The following PGM1 variants were observed in gnomAD, a reference collection of about 807,000 sequenced individuals.
PGM1 encodes phosphoglucomutase-1.
In PGM1, 52 loss-of-function variants were observed where a neutral mutation model predicts 55.6. That is an observed-to-expected ratio of 0.94 (90% CI 0.75 to 1.18). The LOEUF is 1.18. Among genes scored for constraint, PGM1 ranks in the 50% most tolerant of loss-of-function variants. The pLI, the probability that PGM1 is intolerant of heterozygous loss-of-function variation, is 0.00. For missense variants in PGM1, 724 were observed against 729.3 expected, an observed-to-expected ratio of 0.99 and a Z score of 0.08; for synonymous variants, 287 against 271.7, an observed-to-expected ratio of 1.06 and a Z score of -0.55.
intron 1 of PGM1, among the ~76,000 whole-genome samples, chr1:63,610,986 G>A (rs904132827): frequency 2.0e-5 from 3 of 152,152 alleles, no homozygotes; most frequent in East Asian, 1.9e-4. Flanking sequence ...TAGTTGATTA[G>A]GTCCACTTGC....
At chr1:63,655,049 A>G (rs543522648) in intron 10 of PGM1, among the ~76,000 whole-genome samples, 1 of 151,488 alleles carries the variant, frequency 6.6e-6, no homozygotes, top group South Asian at 2.1e-4. Flanking sequence ...GCTCACTGCA[A>G]CATCCACCTT....
intron 1 of PGM1, among the ~76,000 whole-genome samples, chr1:63,598,599 G>A (rs1648147936): frequency 6.6e-6 from 1 of 152,178 alleles, no homozygotes; most frequent in Admixed American, 6.5e-5. Flanking sequence ...TAATACTGTG[G>A]TTTGCTTCCT....
chr1:63,658,345 GTT>G (rs34300625), intron 10 of PGM1, among the ~76,000 whole-genome samples: 2,324 of 136,588 alleles, frequency 0.017, 67 homozygotes, highest in African/African-American at 0.059. Context: ...CAGATTAGTA[GTT>G]TTTTTTTTTT....
intron 3 of PGM1, among the ~76,000 whole-genome samples, chr1:63,630,625 A>G (rs1374606649): frequency 6.6e-6 from 1 of 152,220 alleles, no homozygotes; most frequent in Non-Finnish European, 1.5e-5. Context: ...TCATTCAGTA[A>G]AATCAATCAG....
rs562004113 is a variant in PGM1 at position 63,638,863 on chromosome 1, G to A, written c.1144+63G>A. On this transcript the variant is annotated intron_variant, in intron 7 of 10. Transcript: ENST00000371084. The stretch of plus-strand genomic sequence containing the variant: ...AACCACTATTTCCAGTAAAAGCTTA[G>A]ACTGCTAAGGTAGCACTGAAATACC... 2.2e-4 allele frequency: 247 copies of A among 1,145,358 alleles called. 3 individuals carry two copies. The South Asian group carries it at 2.6e-3, about 12-fold the overall frequency. The allele number at this position is 1,145,358 out of a possible 1,614,324, so 70.9% of individuals were successfully genotyped here.
intron 1 of PGM1, among the ~76,000 whole-genome samples, chr1:63,624,791 A>G (rs562102620): frequency 7.8e-4 from 119 of 152,340 alleles, no homozygotes; most frequent in African/African-American, 2.5e-3. Flanking sequence ...GTATGTTTGC[A>G]GAAGCAAAAT....
chr1:63,622,165 C>T (rs371912255), intron 1 of PGM1, among the ~76,000 whole-genome samples: 13 of 152,056 alleles, frequency 8.5e-5, no homozygotes, highest in Admixed American at 3.9e-4. Flanking sequence ...GCTGTGACTA[C>T]GGGTGCACGC....
Position 63,654,424 on chromosome 1 carries a change from T to C in PGM1, c.1557T>C (p.Asp519=). Reference sequence around the variant, plus strand: ...GGGCCACCATTCGGCTGTACATCGATAGCTATGAGAAGGACGTTGCCAAGA... The same window carrying C: ...GGGCCACCATTCGGCTGTACATCGACAGCTATGAGAAGGACGTTGCCAAGA... ...SAGATIRLYI[D]SYEKDVAKIN... Residue 519 remains aspartate (D), a synonymous_variant, in exon 10 of 11, where the codon GAT becomes GAC. Coordinates refer to ENST00000371084, the MANE Select transcript of PGM1 (RefSeq NM_002633.3). 2 of 1,614,060 alleles carry C rather than the reference T, an allele frequency of 1.2e-6. No individual in the cohort carries two copies. The highest frequency in any genetic ancestry group is 1.7e-6 in the Non-Finnish European group (2 of 1,179,934).
At chr1:63,607,842 C>T (rs1466714557) in intron 1 of PGM1, among the ~76,000 whole-genome samples, 1 of 152,160 alleles carries the variant, frequency 6.6e-6, no homozygotes. Context: ...CCTAGGAAAA[C>T]CAGTCACATT....
At position 63,594,222 on chromosome 1, in the gene PGM1, T is replaced by G. The variant is rs532109483; in HGVS notation, c.246+488T>G. On this transcript the variant is annotated intron_variant, in intron 1 of 10. Coordinates refer to ENST00000371084, the MANE Select transcript of PGM1 (RefSeq NM_002633.3). ...TGCTATTCTCGGCTAGGACTGGCGC[T>G]TCCCGCTGGCTCGGAGCCCGACACT... 1.7e-4 allele frequency: 128 copies of G among 771,888 alleles called. 1 individual carries two copies. In the African/African-American group the frequency reaches 1.8e-3, roughly 11 times the overall value. 47.8% of individuals were successfully genotyped at this position (771,888 alleles called of 1,614,324 possible). A position where few individuals can be genotyped will look rare whatever the true frequency, so the allele number is the denominator to read the frequency against.
chr1:63,649,819 A>G (rs1163318610), intron 8 of PGM1, among the ~76,000 whole-genome samples: 1 of 152,338 alleles, frequency 6.6e-6, no homozygotes, highest in Non-Finnish European at 1.5e-5. Flanking sequence ...TAACAGACAG[A>G]AAAACCTGGT....
chr1:63,622,392 T>C (rs1312577050), intron 1 of PGM1, among the ~76,000 whole-genome samples: 1 of 152,234 alleles, frequency 6.6e-6, no homozygotes, highest in Non-Finnish European at 1.5e-5. Context: ...GAATTAGATA[T>C]GAAATTTATT....
At chr1:63,637,553 G>A (rs1318978004) in intron 6 of PGM1, among the ~76,000 whole-genome samples, 2 of 152,228 alleles carry the variant, frequency 1.3e-5, no homozygotes, top group African/African-American at 4.8e-5. Context: ...CCTCACAGCA[G>A]ACCTCATTTT....
At chr1:63,628,176 C>A (rs758732261) in intron 1 of PGM1, among the ~76,000 whole-genome samples, 2 of 152,188 alleles carry the variant, frequency 1.3e-5, no homozygotes, top group Non-Finnish European at 2.9e-5. Flanking sequence ...CAGTAACAAT[C>A]ATCGGTTTTG....
At chr1:63,656,571 GGTGTGTGTGT>G (rs10629750) in intron 10 of PGM1, among the ~76,000 whole-genome samples, 14 of 144,240 alleles carry the variant, frequency 9.7e-5, no homozygotes, top group Admixed American at 3.4e-4. Context: ...AAGACATTGT[GGTGTGTGTGT>G]GTGTGTGTGT....
chr1:63,593,793 C>A, intron 1 of PGM1, 59 bp downstream of exon 1: 1 of 1,491,324 alleles, frequency 6.7e-7, no homozygotes, highest in Non-Finnish European at 8.9e-7. Context: ...ACGTGCGGCC[C>A]GCGGCGCCCT....
rs532176407 is a variant in PGM1 at position 63,654,543 on chromosome 1, A to G, written c.1599+77A>G. ...AGTTTCCCATTGAGCCTGTGTTTCA[A>G]TGCCCATTTCTCAAATGACTCAACA... On this transcript the variant is annotated intron_variant, in intron 10 of 10. Transcript: ENST00000371084. 4.4e-5 allele frequency: 64 copies of G among 1,460,118 alleles called. No homozygotes were observed. In the East Asian group the frequency reaches 1.4e-3, roughly 31 times the overall value. The allele number at this position is 1,460,118 out of a possible 1,614,324, so 90.4% of individuals were successfully genotyped here. A position where few individuals can be genotyped will look rare whatever the true frequency, so the allele number is the denominator to read the frequency against.
chr1:63,614,186 C>T, intron 1 of PGM1, among the ~76,000 whole-genome samples: 1 of 152,204 alleles, frequency 6.6e-6, no homozygotes, highest in Middle Eastern at 3.2e-3. Flanking sequence ...GGTATTTAGA[C>T]TTCTGTTTTA....
chr1:63,594,110 T>TA (rs1647963025), intron 1 of PGM1: 1 of 1,012,546 alleles, frequency 9.9e-7, no homozygotes, highest in Admixed American at 6.0e-5. Context: ...AAGATACGAT[T>TA]ACGGCGCAGA....
Sources: gnomAD v4.1 joint callset for allele counts (sites outside exome capture counted in the v4.1 genomes callset) on GRCh38, gnomAD v4.1.1 for gene constraint, MANE v1.5 for transcripts, NCBI Gene and HGNC (gene_info 2026-07-23, HGNC 2026-07-21) for gene names.